Variants in ST6GALNAC3 observed in about 807,000 individuals in gnomAD.
The protein encoded by ST6GALNAC3 is alpha-N-acetylgalactosaminide alpha-2,6-sialyltransferase 3.
Under a neutral mutation model 32.7 loss-of-function variants are expected in ST6GALNAC3, and 25 were observed. That is an observed-to-expected ratio of 0.76 (90% CI 0.56 to 1.07). The LOEUF is 1.07. ST6GALNAC3 is among the 50% of genes least tolerant of loss of function. The probability of loss-of-function intolerance (pLI) is 0.00; values close to 1 mark genes in which losing one functional copy is unlikely to be tolerated. For missense variants in ST6GALNAC3, 355 were observed against 382.4 expected (o/e 0.93, Z 0.60); for synonymous variants, 129 against 133.1 (o/e 0.97, Z 0.21).
intron 2 of ST6GALNAC3, among the ~76,000 whole-genome samples, chr1:76,363,116 C>G (rs1204749530): frequency 6.6e-6 from 1 of 152,220 alleles, no homozygotes; most frequent in African/African-American, 2.4e-5. Flanking sequence ...TGCAAATTTT[C>G]TAAACTTTTA....
intron 2 of ST6GALNAC3, among the ~76,000 whole-genome samples, chr1:76,332,925 G>T (rs1647219794): frequency 6.6e-6 from 1 of 151,962 alleles, no homozygotes; most frequent in South Asian, 2.1e-4. Context: ...CAGGTTCCTA[G>T]TGTAGCTTAT....
chr1:76,615,627 G>A (rs1278585619), intron 3 of ST6GALNAC3, among the ~76,000 whole-genome samples: 1 of 152,090 alleles, frequency 6.6e-6, no homozygotes, highest in Non-Finnish European at 1.5e-5. Context: ...TTCCTTTTTT[G>A]ACATTCTGTG....
At chr1:76,591,524 T>A (rs935236384) in intron 3 of ST6GALNAC3, among the ~76,000 whole-genome samples, 6 of 152,182 alleles carry the variant, frequency 3.9e-5, no homozygotes, top group Non-Finnish European at 8.8e-5. Context: ...TATCATTCAT[T>A]CAGAAAATAT....
intron 1 of ST6GALNAC3, among the ~76,000 whole-genome samples, chr1:76,185,597 G>A (rs976500945): frequency 2.4e-4 from 37 of 152,070 alleles, no homozygotes; most frequent in African/African-American, 8.2e-4. Flanking sequence ...ATTTGCCCAC[G>A]ACCTCCTGGC....
chr1:76,272,663 T>C (rs1220145830), intron 1 of ST6GALNAC3, among the ~76,000 whole-genome samples: 1 of 152,232 alleles, frequency 6.6e-6, no homozygotes, highest in African/African-American at 2.4e-5. Context: ...GGGTCCATTT[T>C]ATTTTTCTCT....
chr1:76,207,954 G>C (rs1485314656), intron 1 of ST6GALNAC3, among the ~76,000 whole-genome samples: 5 of 152,268 alleles, frequency 3.3e-5, no homozygotes, highest in Admixed American at 3.3e-4. Context: ...TCCTGAGATG[G>C]CACAAGAGGA....
At chr1:76,202,587 T>C (rs1051098522) in intron 1 of ST6GALNAC3, among the ~76,000 whole-genome samples, 7 of 152,026 alleles carry the variant, frequency 4.6e-5, no homozygotes, top group Admixed American at 4.6e-4. Context: ...GAAAGGGAAG[T>C]AGAGATGATA....
intron 1 of ST6GALNAC3, among the ~76,000 whole-genome samples, chr1:76,166,271 C>A (rs1303563124): frequency 6.6e-6 from 1 of 152,092 alleles, no homozygotes; most frequent in Non-Finnish European, 1.5e-5. Flanking sequence ...AATCCTTTCC[C>A]CATTGCTTGT....
At chr1:76,383,441 ATT>A (rs34140871) in intron 2 of ST6GALNAC3, among the ~76,000 whole-genome samples, 10,497 of 134,292 alleles carry the variant, frequency 0.078, 394 homozygotes, top group Middle Eastern at 0.13. Context: ...TGGCTAATTA[ATT>A]TTTTTTTTTT....
At chr1:76,496,465 G>T (rs1292786235) in intron 3 of ST6GALNAC3, among the ~76,000 whole-genome samples, 1 of 152,198 alleles carries the variant, frequency 6.6e-6, no homozygotes, top group Non-Finnish European at 1.5e-5. Flanking sequence ...AACTGTTATA[G>T]TTTGGAGCTC....
chr1:76,482,497 C>G (rs1659790035), intron 3 of ST6GALNAC3, among the ~76,000 whole-genome samples: 1 of 152,140 alleles, frequency 6.6e-6, no homozygotes, highest in South Asian at 2.1e-4. Context: ...TTACCCAGGG[C>G]TCCCTGTGGG....
At chr1:76,236,404 T>C (rs1656662848) in intron 1 of ST6GALNAC3, among the ~76,000 whole-genome samples, 1 of 152,188 alleles carries the variant, frequency 6.6e-6, no homozygotes, top group African/African-American at 2.4e-5. Flanking sequence ...GTGGATTAAA[T>C]GAGTACAAAA....
intron 3 of ST6GALNAC3, among the ~76,000 whole-genome samples, chr1:76,587,075 C>T (rs1381667499): frequency 6.6e-6 from 1 of 152,160 alleles, no homozygotes; most frequent in Non-Finnish European, 1.5e-5. Context: ...AAGATTTCTG[C>T]TATATTCCAG....
intron 1 of ST6GALNAC3, among the ~76,000 whole-genome samples, chr1:76,235,018 G>A (rs1656569706): frequency 6.6e-6 from 1 of 152,202 alleles, no homozygotes; most frequent in Admixed American, 6.5e-5. Flanking sequence ...AGTCGCTGGT[G>A]GTTAAACTCA....
At chr1:76,171,088 GGTGTGTGTGTGTGTGT>G (rs71071988) in intron 1 of ST6GALNAC3, among the ~76,000 whole-genome samples, 3 of 149,482 alleles carry the variant, frequency 2.0e-5, no homozygotes, top group Admixed American at 1.3e-4. Flanking sequence ...CATTGAGAGG[GGTGTGTGTGTGTGTGT>G]GTGTGTGTGT....
At chr1:76,213,143 C>T (rs1472491889) in intron 1 of ST6GALNAC3, among the ~76,000 whole-genome samples, 7 of 152,190 alleles carry the variant, frequency 4.6e-5, no homozygotes, top group Non-Finnish European at 8.8e-5. Flanking sequence ...AACTGTGCAA[C>T]TCACTCTCAA....
At position 76,206,643 on chromosome 1, in the gene ST6GALNAC3, G is replaced by A. The variant is rs139253194; in HGVS notation, c.19-107162G>A. 2.0e-3 allele frequency among the ~76,000 whole-genome samples: 298 copies of A among 152,094 alleles called. 1 individual carries two copies. The highest frequency in any genetic ancestry group is 6.3e-3 in the African/African-American group (261 of 41,458). On this transcript the variant is annotated intron_variant, in intron 1 of 4. Coordinates refer to ENST00000328299, the MANE Select transcript of ST6GALNAC3 (RefSeq NM_152996.4). ...CTCGGGAGGCTGAGGCAGGAGAATC[G>A]CTTCAGGAGAACCCGGGAGGTGGAG...
chr1:76,571,864 G>C (rs1665882070), intron 3 of ST6GALNAC3, among the ~76,000 whole-genome samples: 1 of 152,006 alleles, frequency 6.6e-6, no homozygotes, highest in African/African-American at 2.4e-5. Context: ...AGAAAATTTA[G>C]AAATTTTAAA....
At chr1:76,156,988 C>G (rs1472135506) in intron 1 of ST6GALNAC3, among the ~76,000 whole-genome samples, 3 of 152,206 alleles carry the variant, frequency 2.0e-5, no homozygotes, top group Admixed American at 6.5e-5. Flanking sequence ...GCCTTGGCCT[C>G]CCAAAGTGCT....
Sources: allele counts gnomAD v4.1 joint callset (sites outside exome capture counted in the v4.1 genomes callset), GRCh38; gene constraint gnomAD v4.1.1; transcripts MANE v1.5; gene names NCBI Gene and HGNC (gene_info 2026-07-23, HGNC 2026-07-21).